The following FAT1 variants were observed in gnomAD, a reference collection of about 807,000 sequenced individuals.
FAT1 encodes protocadherin Fat 1.
FAT1 carries 171 observed loss-of-function variants against 329.8 expected under a neutral mutation model. The ratio of observed to expected loss-of-function variants is 0.52; its 90% confidence interval spans 0.46 to 0.59. The LOEUF is 0.59. FAT1 is among the 20% of genes least tolerant of loss of function. The pLI, the probability that FAT1 is intolerant of heterozygous loss-of-function variation, is 0.00. For synonymous variants in FAT1, 2,233 were observed against 2,228.6 expected (o/e 1.00, Z -0.06); for missense variants, 5,672 against 5,774.4 (o/e 0.98, Z 0.57).
intron 3 of FAT1, among the ~76,000 whole-genome samples, chr4:186,654,966 C>A (rs1425690296): frequency 6.6e-6 from 1 of 151,476 alleles, no homozygotes; most frequent in African/African-American, 2.4e-5. Context: ...GAAGGAAAAC[C>A]TAAGAAACAT....
chr4:186,596,325 C>A lies in FAT1; in HGVS notation c.13000+215G>T, dbSNP rs998920081. Among the ~76,000 whole-genome samples, 1 of 152,124 alleles carries A rather than the reference C, an allele frequency of 6.6e-6. No homozygotes were observed. Among genetic ancestry groups the A allele is most frequent in the African/African-American group, 2.4e-5 (1 of 41,422 alleles). On this transcript the variant is annotated intron_variant, in intron 25 of 26. Transcript: ENST00000441802. This position sits in a 1 kb window ranked among gnomAD's most constrained non-coding sequence, Gnocchi z 4.7. ...TGATCTCTCCAGAATATTAACTAAA[C>A]ATGACTAGATTCAATTTCTTAATTA...
At chr4:186,611,256 A>C (rs1397454051) in intron 14 of FAT1, 130 bp downstream of exon 14, 1 of 749,288 alleles carries the variant, frequency 1.3e-6, no homozygotes, top group Non-Finnish European at 2.1e-6. Context: ...TAACTAAAAG[A>C]AAACTTGATT....
chr4:186,703,883 G>A (rs1417385944), intron 2 of FAT1, among the ~76,000 whole-genome samples: 1 of 152,172 alleles, frequency 6.6e-6, no homozygotes, highest in Non-Finnish European at 1.5e-5. Context: ...TGAATAATTA[G>A]CATGCCTAAT....
rs2126616571 is a variant in FAT1, at chr4:186,663,320, A to G, written c.3559T>C (p.Phe1187Leu). 6.2e-7 allele frequency: 1 copy of G among 1,613,486 alleles called. No individual in the cohort carries two copies. Among genetic ancestry groups the G allele is most frequent in the South Asian group, 1.1e-5 (1 of 91,038 alleles). ...KITSGNPQGF[F>L]SIHPKTGLIT... ...ATACCTGTTTTAGGATGTATTGAAA[A>G]GAATCCTTGTGGATTTCCACTTGTA... The change falls in exon 3 of 27, where the codon TTT (phenylalanine) becomes CTT (leucine). Residue 1187 changes from phenylalanine to leucine, a missense_variant. By Grantham distance (22) the Phe-to-Leu change is conservative. This residue lies in a region of FAT1 where 3,966 missense variants were observed against 3,915.2 expected (regional missense o/e 1.01). Coordinates refer to ENST00000441802, the MANE Select transcript of FAT1 (RefSeq NM_005245.4).
At chr4:186,638,640 C>A (rs1315294909) in intron 4 of FAT1, among the ~76,000 whole-genome samples, 1 of 151,316 alleles carries the variant, frequency 6.6e-6, no homozygotes, top group East Asian at 1.9e-4. Flanking sequence ...CACACACACA[C>A]ACACATACAC....
chr4:186,692,026 ATC>A (rs1413488753), intron 2 of FAT1, among the ~76,000 whole-genome samples: 2 of 152,046 alleles, frequency 1.3e-5, no homozygotes, highest in Non-Finnish European at 2.9e-5. Flanking sequence ...TTCTCTAAAA[ATC>A]TCTGTTAAAG....
rs181510753 is a variant in FAT1 at position 186,613,203 on chromosome 4, G to A, written c.9369C>T (p.Pro3123=). ...LTLEDVNDNA[P]EFSADPYAIT... Reference sequence around the variant, plus strand: ...TGGCATAAGGATCGGCAGAGAATTCGGGGGCGTTATCGTTCACATCTTCTA... The same window carrying A: ...TGGCATAAGGATCGGCAGAGAATTCAGGGGCGTTATCGTTCACATCTTCTA... The change falls in exon 13 of 27, where the codon CCC becomes CCT. Residue 3123 remains proline, a synonymous_variant. Coordinates refer to ENST00000441802, the MANE Select transcript of FAT1 (RefSeq NM_005245.4). The A allele has an allele frequency of 8.7e-6, 14 of 1,613,734 alleles. No homozygotes were observed. The highest frequency in any genetic ancestry group is 4.0e-5 in the African/African-American group (3 of 74,884).
chr4:186,705,822 C>T (rs1317703980), intron 2 of FAT1, among the ~76,000 whole-genome samples: 1 of 152,232 alleles, frequency 6.6e-6, no homozygotes, highest in Non-Finnish European at 1.5e-5. Flanking sequence ...AGCACTGCTA[C>T]CATGAATAAA....
chr4:186,641,612 C>G lies in FAT1; in HGVS notation c.3581-1829G>C, dbSNP rs182791910. On this transcript the variant is annotated intron_variant, in intron 3 of 26. Coordinates refer to ENST00000441802, the MANE Select transcript of FAT1 (RefSeq NM_005245.4). Reference sequence around the variant, plus strand: ...AGCACTTAATCACTCACCAACAGCACTGCGCAAATACTTATGAGCAAATAC... The same window carrying G: ...AGCACTTAATCACTCACCAACAGCAGTGCGCAAATACTTATGAGCAAATAC... 6.4e-4 allele frequency among the ~76,000 whole-genome samples: 98 copies of G among 152,300 alleles called. 2 individuals carry two copies. The South Asian group carries it at 0.014, about 22-fold the overall frequency.
In FAT1 at chr4:186,611,651, G is replaced by A. The variant is rs1196834440; in HGVS notation, c.9588C>T (p.Thr3196=). The change falls in exon 14 of 27, where the codon ACC becomes ACT. Residue 3196 remains threonine (T), a synonymous_variant. Transcript: ENST00000441802. ...CTTGATCCACAGCTTTCAAAGAGAG[G>A]GTGTATACTGCCTGGAGTTCTCTGT... ...PLDRELQAVY[T]LSLKAVDQGL... The A allele has an allele frequency of 6.2e-7, 1 of 1,612,718 alleles. No individual in the cohort carries two copies. The highest frequency in any genetic ancestry group is 8.5e-7 in the Non-Finnish European group (1 of 1,179,362).
chr4:186,612,157 G>T (rs1314480624), intron 13 of FAT1, among the ~76,000 whole-genome samples: 3 of 151,144 alleles, frequency 2.0e-5, no homozygotes, highest in African/African-American at 7.3e-5. Context: ...TTTTTAGAAG[G>T]GTAAACGCTA....
chr4:186,672,401 T>C (rs1039296819), intron 2 of FAT1, among the ~76,000 whole-genome samples: 3 of 152,182 alleles, frequency 2.0e-5, no homozygotes, highest in Non-Finnish European at 2.9e-5. Context: ...AAAAATACAG[T>C]AAATCATGTA....
Position 186,621,273 on chromosome 4 carries a change from T to C in FAT1, c.5313A>G (p.Thr1771=), listed in dbSNP as rs186222414. 1.5e-4 allele frequency: 241 copies of C among 1,614,060 alleles called. 2 individuals carry two copies. In the East Asian group the frequency reaches 3.5e-3, roughly 23 times the overall value. The part of the protein sequence containing the change: ...NAPVFMQAEY[T]GLISESASIN... ...TTGAGGCTGATTCACTAATGAGTCC[T>C]GTATATTCTGCCTGCATAAAAACTG... The change falls in exon 10 of 27, where the codon ACA becomes ACG. Residue 1771 remains threonine (T), a synonymous_variant. Transcript: ENST00000441802.
intron 1 of FAT1, among the ~76,000 whole-genome samples, chr4:186,723,395 A>T (rs1433576188): frequency 2.6e-5 from 4 of 152,226 alleles, no homozygotes; most frequent in Non-Finnish European, 5.9e-5. Context: ...GCGGCGTGTC[A>T]GAAAGGATCG....
At chr4:186,612,091 G>A (rs1739475058) in intron 13 of FAT1, among the ~76,000 whole-genome samples, 3 of 149,960 alleles carry the variant, frequency 2.0e-5, no homozygotes, top group Admixed American at 2.0e-4. Context: ...TCCCAGGCGT[G>A]AGCCACCGCA....
intron 1 of FAT1, among the ~76,000 whole-genome samples, chr4:186,717,321 GA>G (rs1194535313): frequency 1.3e-5 from 2 of 152,148 alleles, no homozygotes; most frequent in Non-Finnish European, 2.9e-5. Context: ...ATGAACGGAG[GA>G]AGCTGTGACC....
intron 3 of FAT1, among the ~76,000 whole-genome samples, chr4:186,663,002 A>G (rs555038260): frequency 6.6e-6 from 1 of 152,008 alleles, no homozygotes; most frequent in Admixed American, 6.6e-5. Flanking sequence ...ACGCCCAGCT[A>G]ATTTTTTGTA....
At chr4:186,676,153 T>C (rs1262775425) in intron 2 of FAT1, among the ~76,000 whole-genome samples, 2 of 152,164 alleles carry the variant, frequency 1.3e-5, no homozygotes, top group Non-Finnish European at 2.9e-5. Context: ...TTTCCATTTA[T>C]TGTATAAGTA....
intron 3 of FAT1, among the ~76,000 whole-genome samples, chr4:186,649,845 T>G (rs1741552513): frequency 6.6e-6 from 1 of 152,130 alleles, no homozygotes; most frequent in Non-Finnish European, 1.5e-5. Flanking sequence ...AAAAACTACA[T>G]ATGTTTAACA....
Sources: gnomAD v4.1 joint callset for allele counts (sites outside exome capture counted in the v4.1 genomes callset) on GRCh38, gnomAD v4.1.1 for gene constraint, gnomAD v4.1.1 regional missense constraint, Gnocchi (gnomAD v3.1) non-coding constraint, MANE v1.5 for transcripts, NCBI Gene and HGNC (gene_info 2026-07-23, HGNC 2026-07-21) for gene names.